CDH26: variants seen among roughly 807,000 people sequenced by gnomAD.
CDH26 encodes the protein cadherin-like protein 26.
In CDH26, 83 loss-of-function variants were observed where a neutral mutation model predicts 90.3. The observed-to-expected ratio is 0.92, with a 90% confidence interval of 0.77 to 1.10. The LOEUF is 1.10. Among genes scored for constraint, CDH26 ranks in the 50% least tolerant of loss-of-function variants. CDH26 has a pLI of 0.00. For missense variants in CDH26, 1,013 were observed against 1,037.6 expected, an observed-to-expected ratio of 0.98 and a Z score of 0.33; for synonymous variants, 397 against 396.3, an observed-to-expected ratio of 1.00 and a Z score of -0.02.
chr20:60,011,746 C>T (rs532540808), intron 17 of CDH26, among the ~76,000 whole-genome samples: 16 of 152,176 alleles, frequency 1.1e-4, no homozygotes, highest in East Asian at 3.9e-4. Context: ...CTGCACTTGG[C>T]GAGCATTGAG....
chr20:59,972,333 T>C (rs569866469), intron 4 of CDH26, among the ~76,000 whole-genome samples: 2 of 152,352 alleles, frequency 1.3e-5, no homozygotes, highest in African/African-American at 4.8e-5. Flanking sequence ...CTGCAATCGA[T>C]GTGAGCTGCT....
rs531708651 is a variant in CDH26 at position 60,002,754 on chromosome 20, T to C, written c.2167-59T>C. 68 of 1,339,128 alleles carry C rather than the reference T, an allele frequency of 5.1e-5. No homozygotes were observed. The Middle Eastern group carries it at 7.6e-4, about 15-fold the overall frequency. 83.0% of individuals were successfully genotyped at this position (1,339,128 alleles called of 1,614,324 possible). On this transcript the variant is annotated intron_variant, in intron 15 of 17. Coordinates refer to ENST00000348616, the MANE Select transcript of CDH26 (RefSeq NM_177980.4). ...ATATGACTGCAAGAATTTCTAGTTA[T>C]GTATTTGCATCCTTTGGTAATTTAT...
At chr20:59,973,712 A>G (rs902118783) in intron 4 of CDH26, among the ~76,000 whole-genome samples, 3 of 152,210 alleles carry the variant, frequency 2.0e-5, no homozygotes, top group Non-Finnish European at 2.9e-5. Context: ...TGTTCCTGCA[A>G]AGGACATAAT....
At chr20:59,991,216 T>C (rs2061523939) in intron 9 of CDH26, among the ~76,000 whole-genome samples, 1 of 152,202 alleles carries the variant, frequency 6.6e-6, no homozygotes, top group Non-Finnish European at 1.5e-5. Context: ...CAGGAGCCTT[T>C]CCTAATTCAT....
Position 59,958,744 on chromosome 20 carries a change from G to A in CDH26, c.18G>A (p.Gly6=), listed in dbSNP as rs761552989. 73 of 1,614,102 alleles carry A rather than the reference G, an allele frequency of 4.5e-5. No individual in the cohort carries two copies. The highest frequency in any genetic ancestry group is 6.0e-5 in the Non-Finnish European group (71 of 1,180,038). The part of the protein sequence containing the change: MAMRS[G]RHPSLLLLLV... ...ATTCCCATATGGCCATGAGATCCGG[G>A]AGGCACCCCTCGCTGCTGCTGCTTC... The change falls in exon 1 of 18, where the codon GGG becomes GGA. Residue 6 remains glycine (G), a synonymous_variant. Transcript: ENST00000348616.
chr20:60,024,509 T>G (rs2146032638), intron 7 of CDH26, among the ~76,000 whole-genome samples: 1 of 152,362 alleles, frequency 6.6e-6, no homozygotes, highest in South Asian at 2.1e-4. Flanking sequence ...AGCAAGTAAC[T>G]TATTACTTAG....
chr20:60,004,765 CAA>C (rs140015980), intron 16 of CDH26, among the ~76,000 whole-genome samples: 31 of 48,122 alleles, frequency 6.4e-4, no homozygotes, highest in East Asian at 2.0e-3. Flanking sequence ...GACTCCATCT[CAA>C]AAAAAAAAAA....
In CDH26 at chr20:59,989,069, C is replaced by T. The variant is rs1410629327; in HGVS notation, c.1189C>T (p.His397Tyr). 1 of 1,614,098 alleles carries T rather than the reference C, an allele frequency of 6.2e-7. No individual in the cohort carries two copies. The highest frequency in any genetic ancestry group is 2.2e-5 in the East Asian group (1 of 44,886). Residue 397 changes from histidine (H) to tyrosine (Y), a missense_variant, in exon 9 of 18, where the codon CAC becomes TAC. Coordinates refer to ENST00000348616, the MANE Select transcript of CDH26 (RefSeq NM_177980.4). Reference sequence around the variant, plus strand: ...AGACGCCAACGACCCACCAGCCTTTCACCCCCAGAGCTTCATTGTCAATAA... The same window carrying T: ...AGACGCCAACGACCCACCAGCCTTTTACCCCCAGAGCTTCATTGTCAATAA... ...VTDANDPPAFHPQSFIVNKEE... is the reference protein window; with the variant it reads ...VTDANDPPAFYPQSFIVNKEE...
chr20:59,992,541 G>A lies in CDH26; in HGVS notation c.1426+21G>A, dbSNP rs1356759286. 6.2e-7 allele frequency: 1 copy of A among 1,611,466 alleles called. No individual in the cohort carries two copies. Among genetic ancestry groups the A allele is most frequent in the Non-Finnish European group, 8.5e-7 (1 of 1,178,210 alleles). ...TGATGGTGAGTGTTTACCCAAAATT[G>A]GAAAAATAAAATGCTCATTCTTGCT... On this transcript the variant is annotated intron_variant, in intron 10 of 17. Coordinates refer to ENST00000348616, the MANE Select transcript of CDH26 (RefSeq NM_177980.4). The surrounding 1 kb of genome is among the most constrained non-coding windows in gnomAD (Gnocchi z 5.0).
intron 9 of CDH26, among the ~76,000 whole-genome samples, chr20:59,991,989 T>C (rs772534353): frequency 5.3e-5 from 8 of 152,164 alleles, no homozygotes; most frequent in Non-Finnish European, 1.2e-4. Context: ...ACACCAGGGG[T>C]AAAGTCCTAG....
At chr20:60,017,386 A>T (rs1207826329), downstream of CDH26, among the ~76,000 whole-genome samples, 1 of 151,966 alleles carries the variant, frequency 6.6e-6, no homozygotes, top group East Asian at 1.9e-4. Flanking sequence ...AGGTTTTCAA[A>T]TTTACCGGCA....
intron 4 of CDH26, among the ~76,000 whole-genome samples, chr20:59,980,053 A>G (rs1222301437): frequency 6.6e-6 from 1 of 152,196 alleles, no homozygotes; most frequent in Non-Finnish European, 1.5e-5. Flanking sequence ...TCTCAGAATA[A>G]CTGAACAATT....
intron 4 of CDH26, among the ~76,000 whole-genome samples, chr20:59,981,559 T>C (rs1339157305): frequency 6.6e-6 from 1 of 152,178 alleles, no homozygotes; most frequent in Non-Finnish European, 1.5e-5. Context: ...TCTTGTGACA[T>C]TGCTGAAATT....
At chr20:59,967,845 C>A (rs1168331125) in intron 1 of CDH26, among the ~76,000 whole-genome samples, 31 of 89,128 alleles carry the variant, frequency 3.5e-4, no homozygotes, top group African/African-American at 2.0e-3. Context: ...TTCTTTCTTT[C>A]TTTCTTTCTT....
chr20:59,987,377 C>A, intron 7 of CDH26, 76 bp from the exon 8 acceptor site: 3 of 1,093,250 alleles, frequency 2.7e-6, no homozygotes, highest in South Asian at 1.6e-5. Context: ...CTGCTTCTCT[C>A]CCTCCTTCCT....
intron 7 of CDH26, among the ~76,000 whole-genome samples, chr20:60,026,497 A>T (rs908478225): frequency 1.3e-5 from 2 of 151,918 alleles, no homozygotes; most frequent in African/African-American, 2.4e-5. Context: ...AAAAGCACTC[A>T]CCCTGCCATT....
intron 17 of CDH26, among the ~76,000 whole-genome samples, chr20:60,011,052 C>T (rs2061832165): frequency 6.6e-6 from 1 of 152,154 alleles, no homozygotes; most frequent in Non-Finnish European, 1.5e-5. Context: ...ACCAGAAGAA[C>T]AAGAAATGAG....
chr20:59,980,117 G>A (rs946280225), intron 4 of CDH26, among the ~76,000 whole-genome samples: 5 of 152,150 alleles, frequency 3.3e-5, no homozygotes, highest in African/African-American at 1.2e-4. Context: ...ATCTTTGGCT[G>A]CACTTAGTAT....
At chr20:59,996,439 T>C in intron 12 of CDH26, 192 bp from the exon 13 acceptor site, 2 of 1,586,600 alleles carry the variant, frequency 1.3e-6, no homozygotes, top group Non-Finnish European at 1.7e-6. Flanking sequence ...ATTGATTAAT[T>C]CAACAAACAG....
Sources: allele counts gnomAD v4.1 joint callset (sites outside exome capture counted in the v4.1 genomes callset), GRCh38; gene constraint gnomAD v4.1.1; non-coding constraint Gnocchi (gnomAD v3.1); transcripts MANE v1.5; gene names NCBI Gene and HGNC (gene_info 2026-07-23, HGNC 2026-07-21).